Variants in MEGF6 observed in about 807,000 individuals in gnomAD.
The protein encoded by MEGF6 is multiple EGF like domains 6.
MEGF6 carries 184 observed loss-of-function variants against 207.1 expected under a neutral mutation model. That is an observed-to-expected ratio of 0.89 (90% CI 0.79 to 1.00). MEGF6 has a LOEUF of 1.00. MEGF6 is among the 50% of genes least tolerant of loss of function. The pLI is 0.00. For synonymous variants in MEGF6, 1,038 were observed against 910.0 expected (o/e 1.14, Z -2.53); for missense variants, 2,282 against 2,202.9 (o/e 1.04, Z -0.72).
At chr1:3,605,323 C>T (rs1197013735) in intron 1 of MEGF6, among the ~76,000 whole-genome samples, 1 of 151,738 alleles carries the variant, frequency 6.6e-6, no homozygotes, top group Admixed American at 6.6e-5. Context: ...CATATGCATG[C>T]TTACACACTC....
chr1:3,531,372 C>T, intron 4 of MEGF6: 1 of 1,180,720 alleles, frequency 8.5e-7, no homozygotes. Context: ...AATCCCAGCC[C>T]CGGGATCCGC....
chr1:3,495,458 T>C (rs889106601), intron 30 of MEGF6, among the ~76,000 whole-genome samples: 1 of 152,160 alleles, frequency 6.6e-6, no homozygotes, highest in African/African-American at 2.4e-5. Context: ...TACTCTTGAC[T>C]GTGCTCTAGG....
rs766101096 is a variant in MEGF6 at position 3,611,199 on chromosome 1, G to C, written c.70C>G (p.Pro24Ala). The C allele has an allele frequency of 1.3e-6, 2 of 1,557,324 alleles. No individual in the cohort carries two copies. The highest frequency in any genetic ancestry group is 2.3e-5 in the South Asian group (2 of 87,112). The stretch of plus-strand genomic sequence containing the variant: ...ACGCTGGCGCCCACGGGCACGGCGG[G>C]GAGCAGCAGCAGCACCAACGCCAGG... ...VVLALVLLLL[P>A]AVPVGASVPP... is the part of the protein sequence containing the mutation. Residue 24 changes from proline (P) to alanine (A), a missense_variant, in exon 1 of 37, where the codon CCC (proline) becomes GCC (alanine). Physicochemically the swap from Pro to Ala is conservative, Grantham distance 27. Coordinates refer to ENST00000356575, the MANE Select transcript of MEGF6 (RefSeq NM_001409.4).
rs992124826 is a variant in MEGF6, at chr1:3,573,885, T to C, written c.481+5940A>G. On this transcript the variant is annotated intron_variant, in intron 4 of 36. Transcript: ENST00000356575. The surrounding 1 kb of genome is among the most constrained non-coding windows in gnomAD (Gnocchi z 5.1). Reference sequence around the variant, plus strand: ...GGGCCGCTTCCTCTCCATTAATCAATGGTCCCAGTTTAGAAACAGTCGCCC... The same window carrying C: ...GGGCCGCTTCCTCTCCATTAATCAACGGTCCCAGTTTAGAAACAGTCGCCC... Among the ~76,000 whole-genome samples, 2 of 152,064 alleles carry C rather than the reference T, an allele frequency of 1.3e-5. No individual in the cohort carries two copies. The highest frequency in any genetic ancestry group is 2.9e-5 in the Non-Finnish European group (2 of 67,996).
intron 4 of MEGF6, among the ~76,000 whole-genome samples, chr1:3,568,682 C>T (rs1643417362): frequency 6.6e-6 from 1 of 152,174 alleles, no homozygotes; most frequent in African/African-American, 2.4e-5. Context: ...GCCCTATGAC[C>T]TTGCCGGCCA....
chr1:3,531,373 C>G, intron 4 of MEGF6: 1 of 1,180,474 alleles, frequency 8.5e-7, no homozygotes. Flanking sequence ...ATCCCAGCCC[C>G]GGGATCCGCT....
intron 18 of MEGF6, 85 bp downstream of exon 18, chr1:3,501,711 G>C: frequency 6.6e-7 from 1 of 1,515,220 alleles, no homozygotes; most frequent in Non-Finnish European, 8.8e-7. Context: ...GATCCGCAGG[G>C]CTGGGGCCCC....
At chr1:3,580,009 G>GCCT in intron 3 of MEGF6, 80 bp from the exon 4 acceptor site, 1 of 1,040,180 alleles carries the variant, frequency 9.6e-7, no homozygotes, top group Non-Finnish European at 1.4e-6. Flanking sequence ...GGTCTCTCGG[G>GCCT]CAGGCAGCCC....
At chr1:3,537,125 C>T (rs1557759191) in intron 4 of MEGF6, among the ~76,000 whole-genome samples, 2 of 152,354 alleles carry the variant, frequency 1.3e-5, no homozygotes, top group African/African-American at 2.4e-5. Context: ...CTGCCTTCAC[C>T]CAGGTTCCTA....
At chr1:3,559,731 G>T (rs1324183274) in intron 4 of MEGF6, among the ~76,000 whole-genome samples, 1 of 152,076 alleles carries the variant, frequency 6.6e-6, no homozygotes, top group Non-Finnish European at 1.5e-5. Flanking sequence ...CACTCGCCCG[G>T]CCGGGTACGG....
rs555004610 is a variant in MEGF6, at chr1:3,511,410, G to A, written c.1114+140C>T. ...TCTGTCAGACCTGCCCTACCACCCC[G>A]CCAGGGCCCAGGCAGCCAGACCAGG... On this transcript the variant is annotated intron_variant, in intron 9 of 36. Coordinates refer to ENST00000356575, the MANE Select transcript of MEGF6 (RefSeq NM_001409.4). 56 of 1,119,780 alleles carry A rather than the reference G, an allele frequency of 5.0e-5. No homozygotes were observed. In the South Asian group the frequency reaches 5.9e-4, roughly 12 times the overall value. 69.4% of individuals were successfully genotyped at this position (1,119,780 alleles called of 1,614,324 possible). A position where few individuals can be genotyped will look rare whatever the true frequency, so the allele number is the denominator to read the frequency against.
intron 4 of MEGF6, chr1:3,531,305 G>A: frequency 1.6e-6 from 2 of 1,248,076 alleles, no homozygotes; most frequent in East Asian, 3.4e-5. Context: ...CCCTAAGCCG[G>A]CGGCCGGGCG....
intron 5 of MEGF6, among the ~76,000 whole-genome samples, chr1:3,517,464 T>C (rs1350859317): frequency 2.0e-5 from 3 of 152,210 alleles, no homozygotes; most frequent in Non-Finnish European, 4.4e-5. Flanking sequence ...TCCCAAGCTG[T>C]GCGCAGCCGG....
chr1:3,537,973 G>C (rs1017398517), intron 4 of MEGF6, among the ~76,000 whole-genome samples: 1 of 152,160 alleles, frequency 6.6e-6, no homozygotes, highest in African/African-American at 2.4e-5. Flanking sequence ...GCAAGGACAG[G>C]GCAGTGGTCA....
intron 5 of MEGF6, among the ~76,000 whole-genome samples, chr1:3,521,782 T>TC (rs1641758016): frequency 6.6e-6 from 1 of 151,934 alleles, no homozygotes; most frequent in Non-Finnish European, 1.5e-5. Flanking sequence ...CCATCTGGTA[T>TC]CCCCCACGCA....
In MEGF6 at chr1:3,501,918, C is replaced by A. The variant is rs750311236; in HGVS notation, c.2192G>T (p.Cys731Phe). 1.9e-6 allele frequency: 3 copies of A among 1,584,672 alleles called. No individual in the cohort carries two copies. Among genetic ancestry groups the A allele is most frequent in the Non-Finnish European group, 2.6e-6 (3 of 1,165,824 alleles). Residue 731 changes from cysteine (C) to phenylalanine (F), a missense_variant, in exon 18 of 37, where the codon TGC (cysteine) becomes TTC (phenylalanine). Physicochemically the swap from Cys to Phe is radical, Grantham distance 205. Transcript: ENST00000356575. Reference sequence around the variant, plus strand: ...GTTCACGCCAAACGTCCCCACCGGGCACTCTGCAGGAGAAAGCACGAGGGG... The same window carrying A: ...GTTCACGCCAAACGTCCCCACCGGGAACTCTGCAGGAGAAAGCACGAGGGG... The part of the protein sequence containing the change: ...GFQGEDCGQE[C>F]PVGTFGVNCS...
intron 2 of MEGF6, among the ~76,000 whole-genome samples, chr1:3,598,777 G>T (rs1383652616): frequency 6.8e-6 from 1 of 147,094 alleles, no homozygotes; most frequent in Admixed American, 7.1e-5. Context: ...CACAGTGGAG[G>T]CCACGGCTCA....
intron 13 of MEGF6, among the ~76,000 whole-genome samples, chr1:3,508,316 A>G (rs1270115107): frequency 6.6e-6 from 1 of 152,196 alleles, no homozygotes; most frequent in East Asian, 1.9e-4. Flanking sequence ...GGAAGGACAA[A>G]CACTTTAACT....
chr1:3,522,506 T>G (rs10442594), intron 5 of MEGF6, among the ~76,000 whole-genome samples: 1 of 150,700 alleles, frequency 6.6e-6, no homozygotes, highest in Admixed American at 6.6e-5. Flanking sequence ...TCTGGGGCCC[T>G]AAGTGTGCAG....
Sources: gnomAD v4.1 joint callset for allele counts (sites outside exome capture counted in the v4.1 genomes callset) on GRCh38, gnomAD v4.1.1 for gene constraint, Gnocchi (gnomAD v3.1) non-coding constraint, MANE v1.5 for transcripts, NCBI Gene and HGNC (gene_info 2026-07-23, HGNC 2026-07-21) for gene names.